CPQ: variants seen among roughly 807,000 people sequenced by gnomAD.
The protein encoded by CPQ is carboxypeptidase Q.
A neutral mutation model predicts 45.7 loss-of-function variants in CPQ; 37 were observed. The observed-to-expected ratio is 0.81, with a 90% CI of 0.62 to 1.07. The LOEUF is 1.07. Ranked by LOEUF, CPQ falls within the 50% of genes least tolerant of loss-of-function variation. The pLI is 0.00. For synonymous variants in CPQ, 186 were observed against 205.8 expected, an observed-to-expected ratio of 0.90 and a Z score of 0.82; for missense variants, 537 against 572.9, an observed-to-expected ratio of 0.94 and a Z score of 0.64.
intron 6 of CPQ, among the ~76,000 whole-genome samples, chr8:97,039,738 G>T (rs1296100065): frequency 6.6e-6 from 1 of 151,842 alleles, no homozygotes; most frequent in African/African-American, 2.4e-5. Context: ...GTGGTGTTTG[G>T]TTTTTTGTCC....
chr8:96,812,898 T>TAA (rs544223840), intron 2 of CPQ, among the ~76,000 whole-genome samples: 51 of 145,456 alleles, frequency 3.5e-4, no homozygotes, highest in Non-Finnish European at 7.3e-4. Context: ...CATTCCTGTT[T>TAA]AAAAAAAAAA....
intron 7 of CPQ, among the ~76,000 whole-genome samples, chr8:97,077,229 T>C (rs1810864180): frequency 6.6e-6 from 1 of 152,184 alleles, no homozygotes; most frequent in Non-Finnish European, 1.5e-5. Context: ...TAGTTGCACA[T>C]TGTATGAGTC....
intron 7 of CPQ, among the ~76,000 whole-genome samples, chr8:97,139,311 C>T (rs1230535350): frequency 6.6e-6 from 1 of 152,142 alleles, no homozygotes; most frequent in Non-Finnish European, 1.5e-5. Flanking sequence ...TCACACATCT[C>T]ACAGAGGGAC....
At chr8:96,694,732 A>G (rs922575787) in intron 1 of CPQ, among the ~76,000 whole-genome samples, 2 of 152,160 alleles carry the variant, frequency 1.3e-5, no homozygotes, top group Non-Finnish European at 2.9e-5. Flanking sequence ...AATAATGGAA[A>G]CACAACATAC....
intron 7 of CPQ, among the ~76,000 whole-genome samples, chr8:97,094,781 C>T (rs962025257): frequency 5.9e-5 from 9 of 151,774 alleles, no homozygotes; most frequent in African/African-American, 2.2e-4. Context: ...ACAGCTTTAC[C>T]CAACTTTATG....
chr8:96,870,681 T>A (rs1333969410), intron 3 of CPQ, among the ~76,000 whole-genome samples: 1 of 151,988 alleles, frequency 6.6e-6, no homozygotes, highest in Non-Finnish European at 1.5e-5. Flanking sequence ...GTAAATGAAT[T>A]AATGTGTGAA....
chr8:97,006,178 T>C (rs1809377976), intron 5 of CPQ, among the ~76,000 whole-genome samples: 1 of 152,208 alleles, frequency 6.6e-6, no homozygotes, highest in African/African-American at 2.4e-5. Flanking sequence ...AATAAGGCTC[T>C]CAGAATTTCA....
chr8:96,645,367 CCGCCTCCGT>C lies in CPQ; in HGVS notation c.-65_-57del, dbSNP rs994194155. ...TAGGCCGCGAGCTTAGTCCTGGGAG[CCGCCTCCGT>C]CGCCGCCGTCAGAGCCGCCCTATCA... On this transcript the variant is annotated 5_prime_UTR_variant, in exon 1 of 8. Transcript: ENST00000220763. 7.2e-5 allele frequency: 11 copies of C among 152,708 alleles called. No individual in the cohort carries two copies. The highest frequency in any genetic ancestry group is 5.2e-4 in the Admixed American group (8 of 15,296). The allele number at this position is 152,708 out of a possible 1,614,324, so 9.5% of individuals were successfully genotyped here.
intron 4 of CPQ, among the ~76,000 whole-genome samples, chr8:96,898,937 T>C (rs531151081): frequency 6.6e-6 from 1 of 152,172 alleles, no homozygotes; most frequent in South Asian, 2.1e-4. Context: ...AATAGAGTTA[T>C]GGAGAGGCTC....
intron 2 of CPQ, among the ~76,000 whole-genome samples, chr8:96,819,496 C>T (rs970262713): frequency 2.0e-5 from 3 of 151,948 alleles, no homozygotes; most frequent in Non-Finnish European, 4.4e-5. Context: ...AGGTGGATGC[C>T]TAATAACTTT....
intron 5 of CPQ, among the ~76,000 whole-genome samples, chr8:96,982,974 C>T (rs1197431423): frequency 6.6e-6 from 1 of 152,160 alleles, no homozygotes; most frequent in Non-Finnish European, 1.5e-5. Context: ...ACCTAGATTT[C>T]ATAAATGTTA....
intron 1 of CPQ, among the ~76,000 whole-genome samples, chr8:96,765,319 T>C (rs1810453226): frequency 6.6e-6 from 1 of 152,170 alleles, no homozygotes. Flanking sequence ...TTCAAAAACA[T>C]GGGCCAAGGT....
chr8:97,056,961 T>C (rs1810464243), intron 6 of CPQ, among the ~76,000 whole-genome samples: 1 of 152,198 alleles, frequency 6.6e-6, no homozygotes, highest in Non-Finnish European at 1.5e-5. Context: ...TCACATTTAA[T>C]GTATTAGCCA....
intron 2 of CPQ, among the ~76,000 whole-genome samples, chr8:96,815,047 G>A (rs1459550680): frequency 6.6e-6 from 1 of 152,088 alleles, no homozygotes; most frequent in East Asian, 1.9e-4. Flanking sequence ...ATTATTAATG[G>A]TACTGTGTTT....
At chr8:96,892,837 C>T (rs1812396060) in intron 4 of CPQ, among the ~76,000 whole-genome samples, 2 of 152,014 alleles carry the variant, frequency 1.3e-5, no homozygotes, top group Admixed American at 1.3e-4. Flanking sequence ...ATTAATTTGC[C>T]AAAATGGGAT....
chr8:97,003,666 T>TCTGAAGGG (rs1420602536), intron 5 of CPQ, among the ~76,000 whole-genome samples: 1 of 152,240 alleles, frequency 6.6e-6, no homozygotes, highest in East Asian at 1.9e-4. Context: ...GACTGAAGGG[T>TCTGAAGGG]TCCATAAGGG....
At chr8:97,032,593 C>T (rs979624015) in intron 6 of CPQ, among the ~76,000 whole-genome samples, 41 of 152,184 alleles carry the variant, frequency 2.7e-4, no homozygotes, top group African/African-American at 9.9e-4. Flanking sequence ...CCTTTCACTT[C>T]GTTCTGGCTT....
intron 7 of CPQ, among the ~76,000 whole-genome samples, chr8:97,081,553 C>T (rs535788680): frequency 2.0e-5 from 3 of 152,292 alleles, no homozygotes; most frequent in South Asian, 2.1e-4. Flanking sequence ...AAGGCCACAA[C>T]AGTTGCACAA....
At chr8:96,697,627 A>T (rs111234619) in intron 1 of CPQ, among the ~76,000 whole-genome samples, 3,691 of 152,248 alleles carry the variant, frequency 0.024, 163 homozygotes, top group African/African-American at 0.084. Context: ...ACTCCACCAA[A>T]AAAGTATGAG....
Sources: allele counts gnomAD v4.1 joint callset (sites outside exome capture counted in the v4.1 genomes callset), GRCh38; gene constraint gnomAD v4.1.1; transcripts MANE v1.5; gene names NCBI Gene and HGNC (gene_info 2026-07-23, HGNC 2026-07-21).